TENM4: variants seen among roughly 807,000 people sequenced by gnomAD.
TENM4 encodes the protein teneurin-4.
TENM4 carries 82 observed loss-of-function variants against 243.3 expected under a neutral mutation model. The observed-to-expected ratio is 0.34, with a 90% confidence interval of 0.28 to 0.40. The LOEUF is 0.40. Among genes scored for constraint, TENM4 ranks in the 10% least tolerant of loss-of-function variants. TENM4 has a pLI of 1.00. For synonymous variants in TENM4, 1,412 were observed against 1,456.3 expected, an observed-to-expected ratio of 0.97 and a Z score of 0.69; for missense variants, 3,138 against 3,673.3, an observed-to-expected ratio of 0.85 and a Z score of 3.77.
At chr11:79,263,072 C>T (rs561423415) in intron 2 of TENM4, among the ~76,000 whole-genome samples, 9 of 152,318 alleles carry the variant, frequency 5.9e-5, no homozygotes, top group South Asian at 2.1e-4. Flanking sequence ...TTGGCCAGAA[C>T]GCAGACCTCA....
At chr11:78,722,088 G>A (rs1855398257) in intron 24 of TENM4, among the ~76,000 whole-genome samples, 1 of 152,152 alleles carries the variant, frequency 6.6e-6, no homozygotes, top group African/African-American at 2.4e-5. Flanking sequence ...TTGGTCAGTT[G>A]AAGGGAACTG....
Position 79,240,858 on chromosome 11 carries a change from C to T in TENM4, c.-264-24949G>A, listed in dbSNP as rs640085. Among the ~76,000 whole-genome samples the T allele has an allele frequency of 8.3e-3, 1,255 of 152,102 alleles. 8 individuals carry two copies. Among genetic ancestry groups the T allele is most frequent in the Non-Finnish European group, 8.2e-3 (559 of 67,988 alleles). Reference sequence around the variant, plus strand: ...TCAGTTTGACTAATTTTCATTTTCCCGGAAAATCACCTATCTTGCAGAGAT... The same window carrying T: ...TCAGTTTGACTAATTTTCATTTTCCTGGAAAATCACCTATCTTGCAGAGAT... On this transcript the variant is annotated intron_variant, in intron 2 of 33. Coordinates refer to ENST00000278550, the MANE Select transcript of TENM4 (RefSeq NM_001098816.3).
intron 17 of TENM4, among the ~76,000 whole-genome samples, chr11:78,775,249 C>T (rs1310211403): frequency 6.6e-6 from 1 of 152,214 alleles, no homozygotes; most frequent in East Asian, 1.9e-4. Context: ...CTCTGGGAAG[C>T]CCTGCTCTAG....
At chr11:79,250,662 A>G (rs900047583) in intron 2 of TENM4, among the ~76,000 whole-genome samples, 4 of 152,250 alleles carry the variant, frequency 2.6e-5, no homozygotes, top group Non-Finnish European at 5.9e-5. Context: ...CTATTAACCC[A>G]ACATTAGACA....
chr11:78,962,136 G>T (rs1240647646), intron 6 of TENM4: 2 of 152,672 alleles, frequency 1.3e-5, no homozygotes, highest in African/African-American at 4.8e-5. Flanking sequence ...AAGAGAGAGG[G>T]ACTTACCGTT....
chr11:79,358,100 T>C (rs1230649131), intron 1 of TENM4, among the ~76,000 whole-genome samples: 1 of 152,150 alleles, frequency 6.6e-6, no homozygotes, highest in Admixed American at 6.5e-5. Flanking sequence ...AACACTCTCC[T>C]CCTAAAGGCT....
intron 12 of TENM4, among the ~76,000 whole-genome samples, chr11:78,840,993 G>T (rs1443352917): frequency 6.6e-6 from 1 of 152,292 alleles, no homozygotes; most frequent in Non-Finnish European, 1.5e-5. Context: ...AGGTAATGCA[G>T]GTATAACACT....
At chr11:78,774,678 A>G (rs981372864) in intron 17 of TENM4, among the ~76,000 whole-genome samples, 3 of 152,182 alleles carry the variant, frequency 2.0e-5, no homozygotes, top group Non-Finnish European at 4.4e-5. Flanking sequence ...GGGAGTTGGG[A>G]AAGTTACTTT....
intron 1 of TENM4, among the ~76,000 whole-genome samples, chr11:79,345,637 C>G (rs930280798): frequency 4.6e-5 from 7 of 152,188 alleles, no homozygotes; most frequent in African/African-American, 1.7e-4. Context: ...CACCATTTAG[C>G]TGTAGGAGTT....
intron 9 of TENM4, among the ~76,000 whole-genome samples, chr11:78,871,849 G>A (rs1475946427): frequency 1.3e-5 from 2 of 152,136 alleles, no homozygotes; most frequent in Non-Finnish European, 2.9e-5. Context: ...AAGGGGTGAA[G>A]AAGAAAGCAA....
intron 4 of TENM4, among the ~76,000 whole-genome samples, chr11:79,142,090 C>A (rs1862297191): frequency 6.6e-6 from 1 of 152,012 alleles, no homozygotes; most frequent in African/African-American, 2.4e-5. Context: ...AACAATGATG[C>A]CCACTCTTGC....
chr11:78,688,061 C>G lies in TENM4; in HGVS notation c.5253G>C (p.Leu1751=), dbSNP rs1858729682. ...NLSASGAFYT[L]LQDQVRNSYY... ...GGCCCCCACCTGACTTACCTTGCAGCAGTGTGTAGAAGGCGCCTGAGGCAG... is the reference window on the plus strand; with the variant it reads ...GGCCCCCACCTGACTTACCTTGCAGGAGTGTGTAGAAGGCGCCTGAGGCAG... Residue 1751 remains leucine (L), a synonymous_variant, in exon 29 of 34, where the codon CTG becomes CTC. Coordinates refer to ENST00000278550, the MANE Select transcript of TENM4 (RefSeq NM_001098816.3). The G allele has an allele frequency of 6.2e-7, 1 of 1,613,596 alleles. No individual in the cohort carries two copies. The highest frequency in any genetic ancestry group is 8.5e-7 in the Non-Finnish European group (1 of 1,179,662).
intron 2 of TENM4, among the ~76,000 whole-genome samples, chr11:79,248,256 A>C (rs1855554070): frequency 6.6e-6 from 1 of 152,178 alleles, no homozygotes; most frequent in South Asian, 2.1e-4. Flanking sequence ...ATACATACAG[A>C]GTGTTCACTC....
intron 9 of TENM4, among the ~76,000 whole-genome samples, chr11:78,879,131 A>G (rs1277041930): frequency 7.0e-6 from 1 of 142,192 alleles, no homozygotes; most frequent in East Asian, 2.3e-4. Flanking sequence ...CCATCTGGGA[A>G]GTGAGGAGCA....
intron 9 of TENM4, among the ~76,000 whole-genome samples, chr11:78,865,758 T>C (rs1254914515): frequency 1.3e-5 from 2 of 152,162 alleles, no homozygotes; most frequent in African/African-American, 2.4e-5. Flanking sequence ...ATCCGACACT[T>C]TGCTTTTTTC....
intron 4 of TENM4, among the ~76,000 whole-genome samples, chr11:79,115,368 C>T (rs1861597145): frequency 6.6e-6 from 1 of 152,146 alleles, no homozygotes; most frequent in African/African-American, 2.4e-5. Context: ...TTTTCGCCAA[C>T]TCTCAAATCA....
intron 12 of TENM4, among the ~76,000 whole-genome samples, chr11:78,848,564 T>A (rs1161644284): frequency 6.6e-6 from 1 of 152,204 alleles, no homozygotes; most frequent in Non-Finnish European, 1.5e-5. Flanking sequence ...AAATTAAATG[T>A]CACTTCATCC....
At chr11:79,172,202 C>T (rs749574924) in intron 3 of TENM4, among the ~76,000 whole-genome samples, 4 of 152,148 alleles carry the variant, frequency 2.6e-5, no homozygotes, top group Non-Finnish European at 4.4e-5. Context: ...ATCCTCCAGC[C>T]TCGGCCTCCC....
chr11:79,260,276 G>A (rs1855773614), intron 2 of TENM4, among the ~76,000 whole-genome samples: 1 of 152,186 alleles, frequency 6.6e-6, no homozygotes, highest in African/African-American at 2.4e-5. Context: ...ACTGAGTGCT[G>A]ACCCTGTGAT....
Sources: gnomAD v4.1 joint callset for allele counts (sites outside exome capture counted in the v4.1 genomes callset) on GRCh38, gnomAD v4.1.1 for gene constraint, MANE v1.5 for transcripts, NCBI Gene and HGNC (gene_info 2026-07-23, HGNC 2026-07-21) for gene names.